The following FASN variants were observed in gnomAD, a reference collection of about 807,000 sequenced individuals.
FASN encodes 3-hydroxyacyl-[acyl-carrier-protein] dehydratase.
FASN carries 50 observed loss-of-function variants against 250.0 expected under a neutral mutation model. The observed-to-expected ratio is 0.20, with a 90% confidence interval of 0.16 to 0.25. The LOEUF is 0.25. Ranked by LOEUF, FASN falls within the 10% of genes least tolerant of loss-of-function variation. FASN has a pLI of 1.00. For synonymous variants in FASN, 1,909 were observed against 1,584.0 expected, an observed-to-expected ratio of 1.21 and a Z score of -4.87; for missense variants, 3,031 against 3,498.5, an observed-to-expected ratio of 0.87 and a Z score of 3.37.
Position 82,085,147 on chromosome 17 carries a change from C to G in FASN, c.4297G>C (p.Ala1433Pro), listed in dbSNP as rs1242480637. 5 of 1,612,498 alleles carry G rather than the reference C, an allele frequency of 3.1e-6. No individual in the cohort carries two copies. Among genetic ancestry groups the G allele is most frequent in the Non-Finnish European group, 3.4e-6 (4 of 1,179,942 alleles). The change falls in exon 25 of 43, where the codon GCT becomes CCT. Residue 1433 changes from alanine to proline, a missense_variant. By Grantham distance (27) the Ala-to-Pro change is conservative (BLOSUM62 -1). Coordinates refer to ENST00000306749, the MANE Select transcript of FASN (RefSeq NM_004104.5). ...ACAGGCCGGGAAGAGTCTTCGTCAGCCAGGATGCCCTACAGCGGGTCGGGG... is the reference window on the plus strand; with the variant it reads ...ACAGGCCGGGAAGAGTCTTCGTCAGGCAGGATGCCCTACAGCGGGTCGGGG... Reference protein sequence around the residue: ...RWVESLKGILADEDSSRPVWL... With the variant: ...RWVESLKGILPDEDSSRPVWL...
intron 7 of FASN, 49 bp downstream of exon 7, chr17:82,092,648 T>C (rs2034231310): frequency 1.5e-6 from 2 of 1,356,810 alleles, no homozygotes; most frequent in Non-Finnish European, 2.0e-6. Context: ...GGCATGGGCG[T>C]AGGTTAGGCT....
rs1445835478 is a variant in FASN at position 82,092,447 on chromosome 17, C to T, written c.1029+8G>A. The T allele has an allele frequency of 6.4e-7, 1 of 1,565,134 alleles. No homozygotes were observed. Among genetic ancestry groups the T allele is most frequent in the South Asian group, 1.2e-5 (1 of 85,990 alleles). ...GCCTGAGGGACCCCCAAGCCCAGCC[C>T]CACCTACCTTGGCCAGGGCTGCCAG... is the stretch of plus-strand genomic sequence containing the variant. On this transcript the variant is annotated splice_region_variant and intron_variant, in intron 8 of 42. Coordinates refer to ENST00000306749, the MANE Select transcript of FASN (RefSeq NM_004104.5).
chr17:82,091,114 A>G, intron 9 of FASN, 45 bp from the exon 10 acceptor site: 1 of 1,606,566 alleles, frequency 6.2e-7, no homozygotes, highest in Non-Finnish European at 8.5e-7. Flanking sequence ...ATCCCGTGCC[A>G]CTGTGTGCCC....
intron 14 of FASN, 42 bp from the exon 15 acceptor site, chr17:82,088,918 G>A (rs1463305149): frequency 6.2e-7 from 1 of 1,609,514 alleles, no homozygotes; most frequent in Non-Finnish European, 8.5e-7. Context: ...GTGCTCAGCT[G>A]AGGCGCCCAT....
In FASN at chr17:82,093,643, G is replaced by C; in HGVS notation, c.409C>G (p.Arg137Gly). ...LVGYSMVGCQRAMMANRLSFF... is the reference protein window; with the variant it reads ...LVGYSMVGCQGAMMANRLSFF... ...GAGAGCCGGTTGGCCATCATCGCTC[G>C]CTGGCAGCCCACCATGCTGTAGCCC... Residue 137 changes from arginine to glycine, a missense_variant, in exon 4 of 43, where the codon CGA becomes GGA. Physicochemically the swap from Arg to Gly is moderately radical, Grantham distance 125. Coordinates refer to ENST00000306749, the MANE Select transcript of FASN (RefSeq NM_004104.5). The C allele has an allele frequency of 6.2e-7, 1 of 1,612,776 alleles. No homozygotes were observed. Among genetic ancestry groups the C allele is most frequent in the East Asian group, 2.2e-5 (1 of 44,878 alleles).
chr17:82,083,944 G>T, intron 29 of FASN, 31 bp downstream of exon 29: 1 of 1,545,908 alleles, frequency 6.5e-7, no homozygotes, highest in Non-Finnish European at 8.7e-7. Context: ...GGCCAGGAGG[G>T]CAGCGGGAGG....
At position 82,089,131 on chromosome 17, in the gene FASN, G is replaced by A. The variant is rs1461958385; in HGVS notation, c.2142C>T (p.Ser714=). ...EPKPRSARWL[S]TSIPEAQWHS... is the part of the protein sequence containing the mutation. ...GCCACTGGGCCTCGGGGATAGAGGT[G>A]CTGAGCCAGCGGGCTGAACGTGGCT... Residue 714 remains serine (S), a synonymous_variant, in exon 14 of 43, where the codon AGC becomes AGT. Coordinates refer to ENST00000306749, the MANE Select transcript of FASN (RefSeq NM_004104.5). The A allele has an allele frequency of 1.3e-6, 2 of 1,567,288 alleles. No homozygotes were observed. The highest frequency in any genetic ancestry group is 1.7e-6 in the Non-Finnish European group (2 of 1,156,406).
At chr17:82,091,166 G>C in intron 9 of FASN, 56 bp downstream of exon 9, 1 of 1,598,694 alleles carries the variant, frequency 6.3e-7, no homozygotes, top group South Asian at 1.1e-5. Flanking sequence ...ACCAGCTCCA[G>C]TTCGCCTGCC....
chr17:82,083,035 C>T lies in FASN; in HGVS notation c.5646G>A (p.Pro1882=), dbSNP rs373472882. The T allele has an allele frequency of 2.2e-5, 36 of 1,612,706 alleles. No homozygotes were observed. Among genetic ancestry groups the T allele is most frequent in the African/African-American group, 1.6e-4 (12 of 74,898 alleles). The change falls in exon 33 of 43, where the codon CCG becomes CCA. Residue 1882 remains proline (P), a synonymous_variant. Coordinates refer to ENST00000306749, the MANE Select transcript of FASN (RefSeq NM_004104.5). The part of the protein sequence containing the change: ...LMSAISKTFC[P]AHKSYIIAGG... ...CAGCGATGATGTAGCTCTTGTGGGC[C>T]GGGCAGAAGGTCTTGGAGATGGCCG...
intron 3 of FASN, among the ~76,000 whole-genome samples, chr17:82,095,017 C>G (rs2034279945): frequency 6.6e-6 from 1 of 152,016 alleles, no homozygotes; most frequent in Non-Finnish European, 1.5e-5. Flanking sequence ...TCAAGAACCT[C>G]CTGCTTTGCC....
In FASN at chr17:82,081,318, G is replaced by A; in HGVS notation, c.6441C>T (p.Ser2147=). 1 of 1,557,518 alleles carries A rather than the reference G, an allele frequency of 6.4e-7. No individual in the cohort carries two copies. The highest frequency in any genetic ancestry group is 8.7e-7 in the Non-Finnish European group (1 of 1,151,032). ...IRDLAAVNLD[S]SLADLGLDSL... is the part of the protein sequence containing the mutation. ...AGTCCAGGCCCAGGTCCGCCAGTGAGCTGTCCAGGTTGACAGCAGCCAAGT... is the reference window on the plus strand; with the variant it reads ...AGTCCAGGCCCAGGTCCGCCAGTGAACTGTCCAGGTTGACAGCAGCCAAGT... The change falls in exon 38 of 43, where the codon AGC becomes AGT. Residue 2147 remains serine (S), a synonymous_variant. Transcript: ENST00000306749.
intron 30 of FASN, 29 bp downstream of exon 30, chr17:82,083,743 G>C (rs776486524): frequency 1.2e-6 from 2 of 1,611,014 alleles, no homozygotes; most frequent in East Asian, 4.5e-5. Flanking sequence ...CTAGGCAGGA[G>C]GCAGGTGGGG....
intron 3 of FASN, 87 bp downstream of exon 3, chr17:82,095,233 T>A: frequency 6.7e-7 from 1 of 1,499,630 alleles, no homozygotes. Context: ...AGCACCTGGT[T>A]CTACCAGAAC....
At chr17:82,085,949 G>A in intron 22 of FASN, 78 bp from the exon 23 acceptor site, 2 of 1,432,330 alleles carry the variant, frequency 1.4e-6, no homozygotes, top group South Asian at 1.4e-5. Flanking sequence ...ATGTCCATGA[G>A]GCCTCAGTCT....
rs112806006 is a variant in FASN at position 82,083,852 on chromosome 17, G to A, written c.5138C>T (p.Pro1713Leu). Residue 1713 changes from proline (P) to leucine (L), a missense_variant, in exon 30 of 43, where the codon CCC (proline) becomes CTC (leucine). Transcript: ENST00000306749. The stretch of plus-strand genomic sequence containing the variant: ...GGCGAAGCTGGTGCTGTCGAGCTGG[G>A]GGAACCTGGCCTGGAGGTACGCCCG... ...EKRAYLQARF[P>L]QLDSTSFANS... is the part of the protein sequence containing the mutation. The A allele has an allele frequency of 6.3e-7, 1 of 1,592,748 alleles. No homozygotes were observed. The highest frequency in any genetic ancestry group is 1.3e-5 in the African/African-American group (1 of 74,820).
intron 3 of FASN, 58 bp from the exon 4 acceptor site, chr17:82,093,829 C>G: frequency 7.4e-7 from 1 of 1,353,384 alleles, no homozygotes; most frequent in South Asian, 1.2e-5. Flanking sequence ...GCCAGCCCAC[C>G]CACCCACCCG....
chr17:82,079,369 G>A lies in FASN; in HGVS notation c.7386C>T (p.Tyr2462=). 1 of 1,612,976 alleles carries A rather than the reference G, an allele frequency of 6.2e-7. No individual in the cohort carries two copies. The highest frequency in any genetic ancestry group is 8.5e-7 in the Non-Finnish European group (1 of 1,179,988). Residue 2462 remains tyrosine, a synonymous_variant, in exon 42 of 43, where the codon TAC becomes TAT. Coordinates refer to ENST00000306749, the MANE Select transcript of FASN (RefSeq NM_004104.5). ...GCCCCTTGCGCACCTGGGAGAGGTT[G>A]TAGTCCGCGCCCAGGTCCTCGCCGT... The part of the protein sequence containing the change: ...GAYGEDLGAD[Y]NLSQVCDGKV...
In FASN at chr17:82,088,196, G is replaced by T. The variant is rs1315865366; in HGVS notation, c.2705C>A (p.Ala902Asp). The T allele has an allele frequency of 3.7e-6, 6 of 1,612,220 alleles. No homozygotes were observed. In the Admixed American group the frequency reaches 1.0e-4, roughly 27 times the overall value. ...LSIVWKTLAR[A>D]LGLGVEQLPV... ...CAGCTGCTCGACGCCCAGGCCCAGG[G>T]CGCGGGCCAGCGTCTTCCACACTAT... is the stretch of plus-strand genomic sequence containing the variant. Residue 902 changes from alanine to aspartate, a missense_variant, in exon 17 of 43, where the codon GCC becomes GAC. Ala to Asp is a moderately radical substitution (Grantham distance 126). Transcript: ENST00000306749.
chr17:82,090,816 T>G (rs1401248217), intron 10 of FASN, 66 bp downstream of exon 10: 1 of 1,521,240 alleles, frequency 6.6e-7, no homozygotes, highest in Non-Finnish European at 8.9e-7. Context: ...CTGCAGCTCC[T>G]GGGCTCCAGG....
Sources: gnomAD v4.1 joint callset for allele counts (sites outside exome capture counted in the v4.1 genomes callset) on GRCh38, gnomAD v4.1.1 for gene constraint, MANE v1.5 for transcripts, NCBI Gene and HGNC (gene_info 2026-07-23, HGNC 2026-07-21) for gene names.